ADCK1: variants seen among roughly 807,000 people sequenced by gnomAD.
ADCK1 encodes the protein aarF domain containing kinase 1.
Under a neutral mutation model 52.3 loss-of-function variants are expected in ADCK1, and 41 were observed. That is an observed-to-expected ratio of 0.78 (90% CI 0.61 to 1.02). The LOEUF (loss-of-function observed/expected upper bound fraction) is 1.02, where lower values mean the gene tolerates loss of function less well. ADCK1 is among the 50% of genes least tolerant of loss of function. The pLI is 0.00. For synonymous variants in ADCK1, 250 were observed against 274.6 expected (o/e 0.91, Z 0.89); for missense variants, 658 against 679.5 (o/e 0.97, Z 0.35).
chr14:77,928,904 C>T (rs141026006), intron 9 of ADCK1, among the ~76,000 whole-genome samples: 1 of 152,324 alleles, frequency 6.6e-6, no homozygotes, highest in Non-Finnish European at 1.5e-5. Context: ...GGCAAGTACA[C>T]CATGCCCCTT....
chr14:77,910,603 T>G (rs2083770204), intron 7 of ADCK1, among the ~76,000 whole-genome samples: 1 of 152,212 alleles, frequency 6.6e-6, no homozygotes, highest in Non-Finnish European at 1.5e-5. Context: ...TGGAGGCATT[T>G]TCATTCCAGC....
At chr14:77,914,554 G>A (rs2083872917) in intron 7 of ADCK1, 3 of 985,434 alleles carry the variant, frequency 3.0e-6, no homozygotes, top group Non-Finnish European at 3.6e-6. Flanking sequence ...GGGAGAGGGT[G>A]GGGCTGGGTG....
chr14:77,842,455 CCTTCCTT>C (rs2082091598), intron 3 of ADCK1, among the ~76,000 whole-genome samples: 6 of 43,872 alleles, frequency 1.4e-4, no homozygotes, highest in Admixed American at 7.1e-4. Flanking sequence ...TTTTTTCCTT[CCTTCCTT>C]CCTTCCTTCC....
chr14:77,872,800 G>C (rs2082813182), intron 4 of ADCK1, among the ~76,000 whole-genome samples: 2 of 151,582 alleles, frequency 1.3e-5, no homozygotes, highest in African/African-American at 4.9e-5. Context: ...TCAGCCTCTT[G>C]AGTAGCTGGG....
chr14:77,886,990 C>T (rs1317465878), intron 4 of ADCK1, 101 bp from the exon 5 acceptor site: 6 of 1,302,272 alleles, frequency 4.6e-6, no homozygotes, highest in Non-Finnish European at 6.2e-6. Flanking sequence ...CAAATCTGTC[C>T]TGGGGGCACT....
At chr14:77,801,422 G>T (rs917707312) in intron 1 of ADCK1, among the ~76,000 whole-genome samples, 34 of 152,096 alleles carry the variant, frequency 2.2e-4, no homozygotes, top group African/African-American at 8.2e-4. Flanking sequence ...ATATTACTTT[G>T]TACACTGTTA....
intron 10 of ADCK1, among the ~76,000 whole-genome samples, chr14:77,932,612 G>C (rs919041216): frequency 6.6e-6 from 1 of 152,110 alleles, no homozygotes; most frequent in African/African-American, 2.4e-5. Context: ...CGTATATCAC[G>C]TACCCACTAT....
chr14:77,902,733 A>C (rs1430102206), intron 6 of ADCK1: 1 of 152,214 alleles, frequency 6.6e-6, no homozygotes, highest in Non-Finnish European at 1.5e-5. Context: ...AATTCTACCC[A>C]GGATAAAGGG....
chr14:77,919,275 T>C (rs1363634390), intron 7 of ADCK1, among the ~76,000 whole-genome samples: 3 of 152,228 alleles, frequency 2.0e-5, no homozygotes. Context: ...CATTGTATCA[T>C]TCTTATGCCT....
intron 7 of ADCK1, among the ~76,000 whole-genome samples, chr14:77,914,190 T>G (rs56374507): frequency 0.11 from 16,441 of 152,236 alleles, 979 homozygotes; most frequent in Middle Eastern, 0.13. Flanking sequence ...TCTAGCCTGC[T>G]GAGTCACTTC....
chr14:77,867,096 GC>G (rs1191050993), intron 4 of ADCK1, among the ~76,000 whole-genome samples: 1 of 152,214 alleles, frequency 6.6e-6, no homozygotes, highest in East Asian at 1.9e-4. Flanking sequence ...CCCTGGCTGT[GC>G]CCCTTGGAGT....
At chr14:77,910,375 G>A (rs1306986782) in intron 7 of ADCK1, among the ~76,000 whole-genome samples, 1 of 152,094 alleles carries the variant, frequency 6.6e-6, no homozygotes, top group Admixed American at 6.5e-5. Flanking sequence ...TTCTGACTCT[G>A]CTGCCTTCAC....
intron 1 of ADCK1, among the ~76,000 whole-genome samples, chr14:77,815,072 T>A (rs1260125591): frequency 6.6e-6 from 1 of 150,930 alleles, no homozygotes; most frequent in African/African-American, 2.4e-5. Flanking sequence ...TTTTTTTTTT[T>A]AGTAGAGACG....
At chr14:77,858,943 T>C in intron 3 of ADCK1, 133 bp from the exon 4 acceptor site, 2 of 760,140 alleles carry the variant, frequency 2.6e-6, no homozygotes, top group Non-Finnish European at 4.2e-6. Flanking sequence ...TGTGTGTGCG[T>C]GTGTGTGCAT....
chr14:77,920,425 T>A (rs529000962), intron 7 of ADCK1, among the ~76,000 whole-genome samples: 1 of 152,332 alleles, frequency 6.6e-6, no homozygotes, highest in Admixed American at 6.5e-5. Context: ...TGGCTTTATT[T>A]CTTGGTTCTC....
At chr14:77,846,221 G>T (rs1002805684) in intron 3 of ADCK1, among the ~76,000 whole-genome samples, 11 of 152,140 alleles carry the variant, frequency 7.2e-5, no homozygotes, top group Admixed American at 2.0e-4. Context: ...CTCGTTCTTA[G>T]ACTGGACTTC....
intron 3 of ADCK1, among the ~76,000 whole-genome samples, chr14:77,831,358 G>A (rs2081845148): frequency 6.6e-6 from 1 of 152,190 alleles, no homozygotes; most frequent in Non-Finnish European, 1.5e-5. Flanking sequence ...CCTCCGCATG[G>A]TTGTGTGAAA....
intron 9 of ADCK1, among the ~76,000 whole-genome samples, chr14:77,930,369 C>A (rs188864328): frequency 7.9e-5 from 12 of 152,178 alleles, no homozygotes; most frequent in African/African-American, 2.9e-4. Context: ...TCAGCAGCAC[C>A]CCGGGTCTCC....
chr14:77,933,505 C>A lies in ADCK1; in HGVS notation c.*114C>A, dbSNP rs936534681. 1.2e-5 allele frequency: 16 copies of A among 1,299,830 alleles called. No homozygotes were observed. Among genetic ancestry groups the A allele is most frequent in the Non-Finnish European group, 1.7e-5 (16 of 918,626 alleles). 80.5% of individuals were successfully genotyped at this position (1,299,830 alleles called of 1,614,324 possible). A position where few individuals can be genotyped will look rare whatever the true frequency, so the allele number is the denominator to read the frequency against. ...ATCGTGGCCCGCAGCCCCAGAGTCA[C>A]TGTCCATGTCACCATCCTTCTCCTC... On this transcript the variant is annotated 3_prime_UTR_variant, in exon 11 of 11. Transcript: ENST00000238561.
Sources: gnomAD v4.1 joint callset for allele counts (sites outside exome capture counted in the v4.1 genomes callset) on GRCh38, gnomAD v4.1.1 for gene constraint, MANE v1.5 for transcripts, NCBI Gene and HGNC (gene_info 2026-07-23, HGNC 2026-07-21) for gene names.